The following BCAS1 variants were observed in gnomAD, a reference collection of about 807,000 sequenced individuals.
BCAS1 encodes breast carcinoma-amplified sequence 1.
In BCAS1, 46 loss-of-function variants were observed where a neutral mutation model predicts 65.4. The ratio of observed to expected loss-of-function variants is 0.70; its 90% CI spans 0.55 to 0.90. The LOEUF (loss-of-function observed/expected upper bound fraction) is 0.90, where lower values mean the gene tolerates loss of function less well. BCAS1 is among the 40% of genes least tolerant of loss of function. The probability of loss-of-function intolerance (pLI) is 0.00; values close to 1 mark genes in which losing one functional copy is unlikely to be tolerated. For synonymous variants in BCAS1, 298 were observed against 293.5 expected (o/e 1.02, Z -0.16); for missense variants, 793 against 771.2 (o/e 1.03, Z -0.33).
At chr20:54,032,262 T>A (rs2091816831) in intron 3 of BCAS1, among the ~76,000 whole-genome samples, 1 of 151,314 alleles carries the variant, frequency 6.6e-6, no homozygotes, top group Non-Finnish European at 1.5e-5. Flanking sequence ...AATAAGATCA[T>A]TTTCAGACAA....
rs1239559322 is a variant in BCAS1 at position 53,975,707 on chromosome 20, A to G, written c.1276-277T>C. ...GGAGCAAGCAGAAGCGTTGTCACAG[A>G]AAATGCTAACTGCTGTAGGTAAGCA... On this transcript the variant is annotated intron_variant, in intron 8 of 12. Coordinates refer to ENST00000688948, the MANE Select transcript of BCAS1 (RefSeq NM_001366298.2). 4.6e-5 allele frequency among the ~76,000 whole-genome samples: 7 copies of G among 152,306 alleles called. No individual in the cohort carries two copies. In the East Asian group the frequency reaches 7.7e-4, roughly 17 times the overall value.
chr20:53,953,258 A>G (rs1298902867), intron 12 of BCAS1, among the ~76,000 whole-genome samples, 174 bp downstream of exon 12: 1 of 152,208 alleles, frequency 6.6e-6, no homozygotes, highest in Non-Finnish European at 1.5e-5. Flanking sequence ...CTCAGCTTGT[A>G]AAATGGAGAA....
Position 53,996,005 on chromosome 20 carries a change from C to A in BCAS1, c.769G>T (p.Ala257Ser), listed in dbSNP as rs557690042. The A allele has an allele frequency of 3.7e-6, 6 of 1,611,714 alleles. No homozygotes were observed. The African/African-American group carries it at 4.0e-5, about 11-fold the overall frequency. Residue 257 changes from alanine to serine, a missense_variant, in exon 5 of 13, where the codon GCG becomes TCG. Physicochemically the swap from Ala to Ser is moderately conservative, Grantham distance 99. Transcript: ENST00000688948. The stretch of plus-strand genomic sequence containing the variant: ...GGGTCCCCAGGGACAGAGCAATCCG[C>A]AGTTCCAAGTTCTTGTCCTTCTTTT... Reference protein sequence around the residue: ...KEKEGQELGTADCSVPGDPEG... With the variant: ...KEKEGQELGTSDCSVPGDPEG...
At chr20:54,022,969 A>G (rs547544259) in intron 4 of BCAS1, among the ~76,000 whole-genome samples, 1 of 152,260 alleles carries the variant, frequency 6.6e-6, no homozygotes, top group South Asian at 2.1e-4. Context: ...TTACTCCAAA[A>G]CTTGCATAAT....
chr20:53,981,220 T>C (rs529609208), intron 8 of BCAS1, among the ~76,000 whole-genome samples: 183 of 152,336 alleles, frequency 1.2e-3, no homozygotes, highest in Non-Finnish European at 2.0e-3. Flanking sequence ...AACTTCACAG[T>C]AGCCCTAAGA....
intron 9 of BCAS1, among the ~76,000 whole-genome samples, chr20:53,973,579 A>G (rs1183186912): frequency 6.6e-6 from 1 of 152,230 alleles, no homozygotes; most frequent in Admixed American, 6.5e-5. Context: ...ACATCCAAAA[A>G]GTTTTTCTTT....
chr20:54,015,549 C>T (rs981004587), intron 4 of BCAS1, among the ~76,000 whole-genome samples: 2 of 152,092 alleles, frequency 1.3e-5, no homozygotes, highest in African/African-American at 4.8e-5. Context: ...ACAGACAGCA[C>T]AACCATAGGA....
chr20:53,966,805 C>A, intron 10 of BCAS1, 101 bp downstream of exon 10: 1 of 1,140,800 alleles, frequency 8.8e-7, no homozygotes, highest in South Asian at 1.7e-5. Flanking sequence ...CCATACACAC[C>A]AGCTACAATT....
chr20:54,065,010 G>A (rs1367942403), intron 1 of BCAS1, among the ~76,000 whole-genome samples: 1 of 152,118 alleles, frequency 6.6e-6, no homozygotes, highest in Non-Finnish European at 1.5e-5. Flanking sequence ...AAAGTGCCTG[G>A]CAGGGCGAGC....
At chr20:54,052,444 A>C (rs1377771602) in intron 3 of BCAS1, among the ~76,000 whole-genome samples, 1 of 152,124 alleles carries the variant, frequency 6.6e-6, no homozygotes, top group Non-Finnish European at 1.5e-5. Context: ...GTTCCTTCTT[A>C]TTTATTGCTA....
In BCAS1 at chr20:54,033,703, G is replaced by T. The variant is rs181196440; in HGVS notation, c.143-4731C>A. Among the ~76,000 whole-genome samples, 396 of 151,076 alleles carry T rather than the reference G, an allele frequency of 2.6e-3. 8 individuals are homozygous for T. Among genetic ancestry groups the T allele is most frequent in the African/African-American group, 9.4e-3 (388 of 41,360 alleles). On this transcript the variant is annotated intron_variant, in intron 3 of 12. Transcript: ENST00000688948. ...AACCCAGTACTAGATGGATTCACAGGTAAGTTCTACCAGTTGTACAAAGAA... is the reference window on the plus strand; with the variant it reads ...AACCCAGTACTAGATGGATTCACAGTTAAGTTCTACCAGTTGTACAAAGAA...
intron 10 of BCAS1, among the ~76,000 whole-genome samples, chr20:53,966,104 C>G (rs538359365): frequency 4.6e-5 from 7 of 152,210 alleles, no homozygotes; most frequent in Non-Finnish European, 1.0e-4. Context: ...ATCCACTATT[C>G]GATCCAGCAA....
At chr20:53,997,713 A>G (rs6022907) in intron 4 of BCAS1, among the ~76,000 whole-genome samples, 19,088 of 152,156 alleles carry the variant, frequency 0.13, 2,601 homozygotes, top group African/African-American at 0.34. Context: ...ACATCGGTGC[A>G]TCTGAGAAGC....
At chr20:54,007,815 C>T (rs2091234366) in intron 4 of BCAS1, among the ~76,000 whole-genome samples, 1 of 152,048 alleles carries the variant, frequency 6.6e-6, no homozygotes, top group African/African-American at 2.4e-5. Context: ...TTCCTCTCAC[C>T]AAGGACAATG....
At chr20:54,009,136 C>T (rs771358795) in intron 4 of BCAS1, among the ~76,000 whole-genome samples, 3 of 152,002 alleles carry the variant, frequency 2.0e-5, no homozygotes, top group Non-Finnish European at 4.4e-5. Context: ...TTAAAGTAGT[C>T]ACAATAAAAT....
chr20:53,984,976 C>A (rs1414653431), intron 8 of BCAS1, among the ~76,000 whole-genome samples: 1 of 152,112 alleles, frequency 6.6e-6, no homozygotes, highest in Admixed American at 6.5e-5. Context: ...GGGTTTTAAA[C>A]CATTTCAGAA....
intron 1 of BCAS1, among the ~76,000 whole-genome samples, chr20:54,069,001 A>G (rs541692304): frequency 6.6e-6 from 1 of 152,300 alleles, no homozygotes; most frequent in African/African-American, 2.4e-5. Flanking sequence ...TTTCCTAAAA[A>G]CAAAACCCTT....
intron 3 of BCAS1, among the ~76,000 whole-genome samples, chr20:54,053,894 C>T (rs140387581): frequency 5.1e-4 from 77 of 152,254 alleles, no homozygotes; most frequent in Middle Eastern, 3.4e-3. Flanking sequence ...TTATTGGATG[C>T]CAATGGTATT....
At chr20:54,002,963 T>C (rs942638769) in intron 4 of BCAS1, among the ~76,000 whole-genome samples, 3 of 152,186 alleles carry the variant, frequency 2.0e-5, no homozygotes, top group African/African-American at 4.8e-5. Flanking sequence ...TGCGTGTGTC[T>C]CATTCACAAC....
Sources: allele counts gnomAD v4.1 joint callset (sites outside exome capture counted in the v4.1 genomes callset), GRCh38; gene constraint gnomAD v4.1.1; transcripts MANE v1.5; gene names NCBI Gene and HGNC (gene_info 2026-07-23, HGNC 2026-07-21).